Variants in KNTC1 observed in about 807,000 individuals in gnomAD.
KNTC1 encodes the protein kinetochore-associated protein 1.
In KNTC1, 253 loss-of-function variants were observed where a neutral mutation model predicts 314.4. The observed-to-expected ratio is 0.80, with a 90% confidence interval of 0.73 to 0.89. The LOEUF is 0.89. Among genes scored for constraint, KNTC1 ranks in the 40% least tolerant of loss-of-function variants. The pLI, the probability that KNTC1 is intolerant of heterozygous loss-of-function variation, is 0.00. For missense variants in KNTC1, 2,475 were observed against 2,572.9 expected (o/e 0.96, Z 0.82); for synonymous variants, 901 against 901.4 (o/e 1.00, Z 0.01).
intron 48 of KNTC1, 97 bp from the exon 49 acceptor site, chr12:122,604,467 T>A (rs1330435219): frequency 3.0e-6 from 2 of 668,860 alleles, no homozygotes; most frequent in Non-Finnish European, 4.8e-6. Flanking sequence ...ATTTTTGTAA[T>A]TTTTAAAAAG....
At chr12:122,591,252 T>C (rs1222189606) in intron 41 of KNTC1, 85 bp from the exon 42 acceptor site, 3 of 779,812 alleles carry the variant, frequency 3.8e-6, no homozygotes. Context: ...AAAGTTATGA[T>C]TTTTATTGTT....
In KNTC1 at chr12:122,594,399, C is replaced by T; in HGVS notation, c.4355+14C>T. 1 of 1,375,736 alleles carries T rather than the reference C, an allele frequency of 7.3e-7. No homozygotes were observed. Among genetic ancestry groups the T allele is most frequent in the Non-Finnish European group, 1.0e-6 (1 of 973,214 alleles). The allele number at this position is 1,375,736 out of a possible 1,614,324, so 85.2% of individuals were successfully genotyped here. A position where few individuals can be genotyped will look rare whatever the true frequency, so the allele number is the denominator to read the frequency against. On this transcript the variant is annotated intron_variant, in intron 43 of 63. Transcript: ENST00000333479. ...GGAATATTGCAGGTAATTCTTTAAA[C>T]ATTAACGGTATTTTTGCTGTTAACA...
At chr12:122,564,617 C>T (rs1021179736) in intron 20 of KNTC1, among the ~76,000 whole-genome samples, 3 of 151,950 alleles carry the variant, frequency 2.0e-5, no homozygotes, top group Non-Finnish European at 4.4e-5. Context: ...TACAGATGTG[C>T]ACCACCACAT....
chr12:122,591,360 G>C lies in KNTC1; in HGVS notation c.4152G>C (p.Glu1384Asp), dbSNP rs748743485. The change falls in exon 42 of 64, where the codon GAG becomes GAC. Residue 1384 changes from glutamate (E) to aspartate (D), a missense_variant. By Grantham distance (45) the Glu-to-Asp change is conservative (BLOSUM62 2). Coordinates refer to ENST00000333479, the MANE Select transcript of KNTC1 (RefSeq NM_014708.6). ...KILAISLVGS[E>D]LASLYQEIEM... ...AGGCAATATCTCTGGTGGGCTCTGA[G>C]CTGGCAAGTCTCTATCAGGAAATAG... is the stretch of plus-strand genomic sequence containing the variant. 1.2e-6 allele frequency: 2 copies of C among 1,608,494 alleles called. No homozygotes were observed. Among genetic ancestry groups the C allele is most frequent in the South Asian group, 2.2e-5 (2 of 90,910 alleles).
chr12:122,611,094 C>T (rs1873068138), intron 53 of KNTC1, 194 bp downstream of exon 53: 1 of 586,524 alleles, frequency 1.7e-6, no homozygotes. Context: ...GTCTCTGTAA[C>T]ATCTGCTTAG....
Position 122,582,872 on chromosome 12 carries a change from A to AC in KNTC1, c.3150_3151insC (p.Lys1051GlnfsTer42). On this transcript the variant is annotated frameshift_variant, in exon 34 of 64. Transcript: ENST00000333479. LOFTEE classifies it high-confidence loss of function. ...AGGTGAGGAGCCCAAGCATGGAATC[A>AC]AAGCTGCACAGACAGGCACTGGCCC... The AC allele has an allele frequency of 6.2e-7, 1 of 1,612,554 alleles. No homozygotes were observed. Among genetic ancestry groups the AC allele is most frequent in the African/African-American group, 1.3e-5 (1 of 75,014 alleles).
At chr12:122,587,063 C>T (rs932521366) in intron 38 of KNTC1, among the ~76,000 whole-genome samples, 2 of 151,912 alleles carry the variant, frequency 1.3e-5, no homozygotes, top group African/African-American at 4.8e-5. Flanking sequence ...GTGATCCACC[C>T]GCCTCAGCCT....
rs148847093 is a variant in KNTC1 at position 122,615,150 on chromosome 12, C to T, written c.5973+64C>T. 5.0e-5 allele frequency: 57 copies of T among 1,142,092 alleles called. No homozygotes were observed. In the East Asian group the frequency reaches 1.4e-3, roughly 28 times the overall value. The allele number at this position is 1,142,092 out of a possible 1,614,324, so 70.7% of individuals were successfully genotyped here. ...AAGCTTTTGCACAGCATCCCCTAAA[C>T]ATTTTGGATTGATACTTGTTATGGA... On this transcript the variant is annotated intron_variant, in intron 56 of 63. Transcript: ENST00000333479.
At chr12:122,527,825 G>A (rs1484893715) in intron 1 of KNTC1, 1 of 152,178 alleles carries the variant, frequency 6.6e-6, no homozygotes, top group Admixed American at 6.6e-5. Context: ...TAAGTTTTGC[G>A]TACTTCTTGT....
chr12:122,544,048 T>TA, intron 7 of KNTC1, 111 bp from the exon 8 acceptor site: 1 of 472,168 alleles, frequency 2.1e-6, no homozygotes, highest in Non-Finnish European at 3.6e-6. Context: ...AAACTCTGTC[T>TA]CCAAAAAAAA....
chr12:122,582,889 C>T lies in KNTC1; in HGVS notation c.3167C>T (p.Ala1056Val), dbSNP rs1473895864. The T allele has an allele frequency of 1.2e-6, 2 of 1,612,956 alleles. No homozygotes were observed. The highest frequency in any genetic ancestry group is 1.1e-5 in the South Asian group (1 of 90,866). ...ATGGAATCAAAGCTGCACAGACAGG[C>T]ACTGGCCCTGCAGATGTCCAAACAA... ...PSMESKLHRQ[A>V]LALQMSKQEL... Residue 1056 changes from alanine to valine, a missense_variant, in exon 34 of 64, where the codon GCA becomes GTA. Physicochemically the swap from Ala to Val is moderately conservative, Grantham distance 64 (BLOSUM62 0). Transcript: ENST00000333479.
At chr12:122,563,384 A>G (rs915710661) in intron 20 of KNTC1, among the ~76,000 whole-genome samples, 2 of 152,208 alleles carry the variant, frequency 1.3e-5, no homozygotes, top group Non-Finnish European at 2.9e-5. Context: ...ATAGATTTAT[A>G]TTGGTTCTGT....
Position 122,534,813 on chromosome 12 carries a change from A to G in KNTC1, c.250+29A>G, listed in dbSNP as rs771895945. The G allele has an allele frequency of 9.4e-6, 15 of 1,599,350 alleles. No individual in the cohort carries two copies. In the South Asian group the frequency reaches 1.6e-4, roughly 17 times the overall value. On this transcript the variant is annotated intron_variant, in intron 3 of 63. Coordinates refer to ENST00000333479, the MANE Select transcript of KNTC1 (RefSeq NM_014708.6). ...AGTATAATGTAGTGAATGAAGTAAG[A>G]TAAATTGGAAGTCAAATACATCTGC...
At chr12:122,594,484 G>C in intron 43 of KNTC1, 99 bp downstream of exon 43, 1 of 718,040 alleles carries the variant, frequency 1.4e-6, no homozygotes, top group Admixed American at 2.5e-5. Context: ...GAGGTCCATA[G>C]ACCACTATTT....
At chr12:122,533,678 CAG>C (rs1377981230) in intron 2 of KNTC1, among the ~76,000 whole-genome samples, 2 of 152,130 alleles carry the variant, frequency 1.3e-5, no homozygotes, top group African/African-American at 2.4e-5. Context: ...ACCTGAGCGA[CAG>C]AGGGAGACCC....
intron 62 of KNTC1, 129 bp downstream of exon 62, chr12:122,622,736 G>T (rs1874576019): frequency 4.4e-6 from 3 of 688,672 alleles, no homozygotes; most frequent in Non-Finnish European, 4.6e-6. Context: ...ATCACCTGAG[G>T]TTGAGAGTTC....
rs1037444341 is a variant in KNTC1, at chr12:122,569,608, T to C, written c.1717-73T>C. ...TACTCCTTAAAATGACTTCCTAAAA[T>C]ATCTTTGTCAAACATTTGGAAGCCT... is the stretch of plus-strand genomic sequence containing the variant. On this transcript the variant is annotated intron_variant, in intron 21 of 63. Coordinates refer to ENST00000333479, the MANE Select transcript of KNTC1 (RefSeq NM_014708.6). The C allele has an allele frequency of 5.2e-6, 7 of 1,356,814 alleles. No individual in the cohort carries two copies. In the African/African-American group the frequency reaches 5.8e-5, roughly 11 times the overall value. 84.0% of individuals were successfully genotyped at this position (1,356,814 alleles called of 1,614,324 possible). A position where few individuals can be genotyped will look rare whatever the true frequency, so the allele number is the denominator to read the frequency against.
chr12:122,544,557 G>A (rs1305834957), intron 8 of KNTC1, among the ~76,000 whole-genome samples: 3 of 152,098 alleles, frequency 2.0e-5, no homozygotes, highest in Non-Finnish European at 4.4e-5. Flanking sequence ...TACAGTACCT[G>A]TGACTTTGTC....
chr12:122,561,016 A>T (rs930684989), intron 18 of KNTC1, among the ~76,000 whole-genome samples: 1 of 152,168 alleles, frequency 6.6e-6, no homozygotes, highest in African/African-American at 2.4e-5. Context: ...TAATTTTTTA[A>T]AAAATGGATT....
Sources: gnomAD v4.1 joint callset for allele counts (sites outside exome capture counted in the v4.1 genomes callset) on GRCh38, gnomAD v4.1.1 for gene constraint, MANE v1.5 for transcripts, NCBI Gene and HGNC (gene_info 2026-07-23, HGNC 2026-07-21) for gene names.